GRIP2: variants seen among roughly 807,000 people sequenced by gnomAD.
GRIP2 encodes the protein glutamate receptor-interacting protein 2.
Under a neutral mutation model 108.3 loss-of-function variants are expected in GRIP2, and 58 were observed. The observed-to-expected ratio is 0.54, with a 90% CI of 0.43 to 0.67. GRIP2 has a LOEUF of 0.67. Among genes scored for constraint, GRIP2 ranks in the 30% least tolerant of loss-of-function variants. The pLI is 0.00. For synonymous variants in GRIP2, 586 were observed against 598.2 expected, an observed-to-expected ratio of 0.98 and a Z score of 0.30; for missense variants, 1,278 against 1,430.6, an observed-to-expected ratio of 0.89 and a Z score of 1.72.
rs1001839446 is a variant in GRIP2, at chr3:14,549,663, A to G, written c.55+6237T>C. 1.6e-4 allele frequency among the ~76,000 whole-genome samples: 25 copies of G among 152,322 alleles called. 1 individual carries two copies. Among genetic ancestry groups the G allele is most frequent in the South Asian group, 6.2e-4 (3 of 4,820 alleles). On this transcript the variant is annotated intron_variant, in intron 1 of 23. Transcript: ENST00000637182. ...ATGGGAACATAAGCCTCTAATAATG[A>G]CAATCCCGGCTGGCCCCCAGCTGGC...
the GRIP2 span, among the ~76,000 whole-genome samples, chr3:14,600,651 C>T: frequency 6.6e-6 from 1 of 152,216 alleles, no homozygotes; most frequent in East Asian, 1.9e-4. Context: ...GACCTCTCCC[C>T]ACAACCTCTT....
At position 14,521,854 on chromosome 3, in the gene GRIP2, C is replaced by G; in HGVS notation, c.567-67G>C. ...ACTGGGCACAGCCTGTCTGGGAGGG[C>G]GCTGGGAAGCGGGACATGGAGGATG... On this transcript the variant is annotated intron_variant, in intron 6 of 23. Coordinates refer to ENST00000621039, the MANE Select transcript of GRIP2 (RefSeq NM_001080423.4). The surrounding 1 kb of genome is among the most constrained non-coding windows in gnomAD (Gnocchi z 5.1). 7.2e-7 allele frequency: 1 copy of G among 1,385,218 alleles called. No homozygotes were observed. Among genetic ancestry groups the G allele is most frequent in the Non-Finnish European group, 9.5e-7 (1 of 1,053,028 alleles). The allele number at this position is 1,385,218 out of a possible 1,614,324, so 85.8% of individuals were successfully genotyped here. A position where few individuals can be genotyped will look rare whatever the true frequency, so the allele number is the denominator to read the frequency against.
the GRIP2 span, chr3:14,573,583 G>A: frequency 5.6e-6 from 8 of 1,439,592 alleles, no homozygotes; most frequent in African/African-American, 5.6e-5. Flanking sequence ...CAGTACTCCC[G>A]GGAGGTGATC....
chr3:14,524,056 C>A (rs1694485263), intron 4 of GRIP2: 1 of 490,702 alleles, frequency 2.0e-6, no homozygotes, highest in African/African-American at 1.9e-5. Flanking sequence ...AAACCCTACA[C>A]CACCGTTACT....
At chr3:14,550,133 T>A (rs1376722656) in intron 1 of GRIP2, among the ~76,000 whole-genome samples, 1 of 152,194 alleles carries the variant, frequency 6.6e-6, no homozygotes, top group East Asian at 1.9e-4. Flanking sequence ...TCCAGGCCAG[T>A]GCCTGCTGCC....
chr3:14,566,733 G>C, the GRIP2 span, among the ~76,000 whole-genome samples: 1 of 152,136 alleles, frequency 6.6e-6, no homozygotes, highest in African/African-American at 2.4e-5. Context: ...CTTAGCTCCA[G>C]AGAGCTCCAA....
rs1694474094 is a variant in GRIP2 at position 14,523,664 on chromosome 3, T to A, written c.438A>T (p.Thr146=). The part of the protein sequence containing the change: ...PENNPRIISK[T]VDVSLYKEGN... Reference sequence around the variant, plus strand: ...CCTCCTTGTAGAGGGAGACGTCCACTGTCTTTGAAATGATCCTGGGGTTAT... The same window carrying A: ...CCTCCTTGTAGAGGGAGACGTCCACAGTCTTTGAAATGATCCTGGGGTTAT... The change falls in exon 5 of 24, where the codon ACA becomes ACT. Residue 146 remains threonine (T), a synonymous_variant. Coordinates refer to ENST00000621039, the MANE Select transcript of GRIP2 (RefSeq NM_001080423.4). The A allele has an allele frequency of 6.2e-7, 1 of 1,612,172 alleles. No individual in the cohort carries two copies. Among genetic ancestry groups the A allele is most frequent in the Non-Finnish European group, 8.5e-7 (1 of 1,179,268 alleles).
At chr3:14,572,613 A>AAAAAG in the GRIP2 span, among the ~76,000 whole-genome samples, 1 of 144,396 alleles carries the variant, frequency 6.9e-6, no homozygotes, top group African/African-American at 2.6e-5. Context: ...CTCCGTCTCA[A>AAAAAG]AAAAAAAAAA....
intron 1 of GRIP2, among the ~76,000 whole-genome samples, chr3:14,553,615 C>T (rs990869067): frequency 2.6e-5 from 4 of 152,186 alleles, no homozygotes; most frequent in Non-Finnish European, 2.9e-5. Context: ...CAGGGACCTC[C>T]GCCCAAGTAT....
chr3:14,581,614 G>A, the GRIP2 span, among the ~76,000 whole-genome samples: 1 of 152,230 alleles, frequency 6.6e-6, no homozygotes, highest in Non-Finnish European at 1.5e-5. Context: ...TTTGTCCACT[G>A]GAAGGTAGAA....
chr3:14,588,097 T>C, the GRIP2 span, among the ~76,000 whole-genome samples: 18 of 152,224 alleles, frequency 1.2e-4, no homozygotes, highest in Non-Finnish European at 2.4e-4. Context: ...CTCAGGAGAC[T>C]GTCCTGGGCA....
the GRIP2 span, among the ~76,000 whole-genome samples, chr3:14,600,049 A>T: frequency 5.9e-4 from 90 of 152,212 alleles, no homozygotes; most frequent in African/African-American, 2.0e-3. Context: ...TGTCTTGTCC[A>T]TTCTCACTGG....
chr3:14,571,746 G>A, the GRIP2 span, among the ~76,000 whole-genome samples: 19,262 of 152,160 alleles, frequency 0.13, 1,321 homozygotes, highest in South Asian at 0.2. Flanking sequence ...ACCCTCATTC[G>A]GGGGACTCTG....
chr3:14,533,728 C>A (rs1296252036), intron 1 of GRIP2, among the ~76,000 whole-genome samples: 3 of 152,178 alleles, frequency 2.0e-5, no homozygotes, highest in African/African-American at 7.2e-5. Flanking sequence ...CAGTGCACTA[C>A]CGGGTGCTAA....
At chr3:14,566,586 G>A in the GRIP2 span, among the ~76,000 whole-genome samples, 1 of 152,218 alleles carries the variant, frequency 6.6e-6, no homozygotes, top group African/African-American at 2.4e-5. Context: ...TGGGGACAGA[G>A]CAAGGCGATC....
chr3:14,532,776 T>A (rs1045569893), intron 1 of GRIP2, among the ~76,000 whole-genome samples: 2 of 151,618 alleles, frequency 1.3e-5, no homozygotes, highest in African/African-American at 4.8e-5. Flanking sequence ...CTCAACCTGG[T>A]TCCGGGCCGG....
At chr3:14,565,317 A>G in the GRIP2 span, among the ~76,000 whole-genome samples, 9 of 152,222 alleles carry the variant, frequency 5.9e-5, no homozygotes, top group African/African-American at 1.9e-4. Flanking sequence ...CACAGAGTCC[A>G]TTGAAAGCAG....
At chr3:14,536,061 G>T (rs138080763) in intron 1 of GRIP2, among the ~76,000 whole-genome samples, 18 of 152,130 alleles carry the variant, frequency 1.2e-4, no homozygotes, top group Admixed American at 6.5e-4. Context: ...AGATAAGCTC[G>T]GCAGAAGCAC....
Position 14,511,314 on chromosome 3 carries a change from C to CA in GRIP2, c.1788-5dup. 1 of 1,613,996 alleles carries CA rather than the reference C, an allele frequency of 6.2e-7. No homozygotes were observed. Among genetic ancestry groups the CA allele is most frequent in the African/African-American group, 1.3e-5 (1 of 75,058 alleles). On this transcript the variant is annotated splice_region_variant and splice_polypyrimidine_tract_variant and intron_variant, in intron 15 of 23. Coordinates refer to ENST00000621039, the MANE Select transcript of GRIP2 (RefSeq NM_001080423.4). This position sits in a 1 kb window ranked among gnomAD's most constrained non-coding sequence, Gnocchi z 4.1. ...GCCTGGCTCCAGGGTGCCCGTCCTGCATGAGTCGGGGGCAGAGGGGATGGA... is the reference window on the plus strand; with the variant it reads ...GCCTGGCTCCAGGGTGCCCGTCCTGCAATGAGTCGGGGGCAGAGGGGATGGA...
Sources: allele counts gnomAD v4.1 joint callset (sites outside exome capture counted in the v4.1 genomes callset), GRCh38; gene constraint gnomAD v4.1.1; non-coding constraint Gnocchi (gnomAD v3.1); transcripts MANE v1.5; gene names NCBI Gene and HGNC (gene_info 2026-07-23, HGNC 2026-07-21).